Variants in SEPTIN9 observed in about 807,000 individuals in gnomAD.
SEPTIN9 encodes the protein septin-9.
In SEPTIN9, 13 loss-of-function variants were observed where a neutral mutation model predicts 56.6. The ratio of observed to expected loss-of-function variants is 0.23; its 90% CI spans 0.15 to 0.37. The LOEUF (loss-of-function observed/expected upper bound fraction) is 0.37. Among genes scored for constraint, SEPTIN9 ranks in the 10% least tolerant of loss-of-function variants. SEPTIN9 has a pLI of 1.00. For synonymous variants in SEPTIN9, 332 were observed against 334.1 expected, an observed-to-expected ratio of 0.99 and a Z score of 0.07; for missense variants, 650 against 823.1, an observed-to-expected ratio of 0.79 and a Z score of 2.57.
At chr17:77,341,809 G>T (rs1242135466) in intron 2 of SEPTIN9, among the ~76,000 whole-genome samples, 2 of 149,826 alleles carry the variant, frequency 1.3e-5, no homozygotes, top group Non-Finnish European at 3.0e-5. Flanking sequence ...AGGGCCGGGC[G>T]CAGTGGCTCA....
At chr17:77,322,814 G>C (rs1310056361) in intron 2 of SEPTIN9, 1 of 152,334 alleles carries the variant, frequency 6.6e-6, no homozygotes, top group Non-Finnish European at 1.5e-5. Flanking sequence ...GCGTTGTCAG[G>C]CTGCAAGCCA....
chr17:77,374,464 G>T (rs1394046202), intron 2 of SEPTIN9: 2 of 152,280 alleles, frequency 1.3e-5, no homozygotes, highest in South Asian at 2.1e-4. Context: ...TCACACAATG[G>T]TCTCCAGCGC....
chr17:77,444,925 A>C (rs570549358), intron 3 of SEPTIN9: 1 of 364,170 alleles, frequency 2.7e-6, no homozygotes, highest in South Asian at 2.1e-5. Flanking sequence ...GATAGGTCAA[A>C]GGAAGAGGGT....
intron 2 of SEPTIN9, among the ~76,000 whole-genome samples, chr17:77,380,834 G>C (rs376348382): frequency 1.7e-4 from 26 of 152,328 alleles, no homozygotes; most frequent in African/African-American, 6.3e-4. Context: ...ACAGCGGAAG[G>C]GTGGGGTGGG....
chr17:77,499,366 C>A lies in SEPTIN9; in HGVS notation c.*708C>A. 1.7e-6 allele frequency: 1 copy of A among 577,282 alleles called. No homozygotes were observed. Among genetic ancestry groups the A allele is most frequent in the Non-Finnish European group, 3.3e-6 (1 of 299,438 alleles). The allele number at this position is 577,282 out of a possible 1,614,324, so 35.8% of individuals were successfully genotyped here. On this transcript the variant is annotated 3_prime_UTR_variant, in exon 12 of 12. Coordinates refer to ENST00000427177, the MANE Select transcript of SEPTIN9 (RefSeq NM_001113491.2). The stretch of plus-strand genomic sequence containing the variant: ...TGAGGGAGGCGTCTTCATCTCCCTG[C>A]CATCCCCCTCTCACGCCACCCCCGC...
intron 3 of SEPTIN9, among the ~76,000 whole-genome samples, chr17:77,474,467 G>C (rs2039129031): frequency 6.6e-6 from 1 of 152,224 alleles, no homozygotes; most frequent in Admixed American, 6.5e-5. Flanking sequence ...AAGAGCCCTG[G>C]CAACTTTCCC....
chr17:77,292,035 C>G (rs1326220619), intron 1 of SEPTIN9, among the ~76,000 whole-genome samples: 1 of 152,166 alleles, frequency 6.6e-6, no homozygotes, highest in South Asian at 2.1e-4. Flanking sequence ...TCTTTGATTC[C>G]TTTTCACCAC....
At chr17:77,484,647 GGGTGGT>G (rs1158139273) in intron 4 of SEPTIN9, among the ~76,000 whole-genome samples, 1 of 126,832 alleles carries the variant, frequency 7.9e-6, no homozygotes, top group Non-Finnish European at 1.7e-5. Flanking sequence ...ATTGTGATGG[GGGTGGT>G]GGTGGTGATT....
In SEPTIN9 at chr17:77,281,559, G is replaced by A; in HGVS notation, c.19+5G>A. 1 of 1,542,434 alleles carries A rather than the reference G, an allele frequency of 6.5e-7. No homozygotes were observed. The highest frequency in any genetic ancestry group is 8.7e-7 in the Non-Finnish European group (1 of 1,144,118). ...CCATGAAGAAGTCTTACTCAGGTGG[G>A]CTTCGCGCCCGGGGTGGGGAGGGGT... On this transcript the variant is annotated splice_donor_5th_base_variant and intron_variant, in intron 1 of 11. Coordinates refer to ENST00000427177, the MANE Select transcript of SEPTIN9 (RefSeq NM_001113491.2).
intron 8 of SEPTIN9, 111 bp downstream of exon 8, chr17:77,490,970 G>T (rs903551131): frequency 1.9e-5 from 16 of 860,964 alleles, no homozygotes; most frequent in Non-Finnish European, 2.8e-5. Flanking sequence ...AGACCGAACC[G>T]CTGGTCACTC....
At chr17:77,342,228 G>A (rs900670909) in intron 2 of SEPTIN9, among the ~76,000 whole-genome samples, 4 of 152,220 alleles carry the variant, frequency 2.6e-5, no homozygotes, top group Admixed American at 2.6e-4. Flanking sequence ...AATGGTGCCA[G>A]CAGACTTACT....
At chr17:77,344,191 A>C (rs1001103364) in intron 2 of SEPTIN9, among the ~76,000 whole-genome samples, 3 of 152,314 alleles carry the variant, frequency 2.0e-5, no homozygotes, top group Middle Eastern at 6.8e-3. Context: ...AAACAAAAAA[A>C]AACAACCCAG....
Position 77,421,828 on chromosome 17 carries a change from G to A in SEPTIN9, c.721+19125G>A, listed in dbSNP as rs938306600. 2.6e-5 allele frequency among the ~76,000 whole-genome samples: 4 copies of A among 152,102 alleles called. No homozygotes were observed. Among genetic ancestry groups the A allele is most frequent in the Admixed American group, 6.6e-5 (1 of 15,260 alleles). ...ATTTCACAGTCGAGACACCCTGGCC[G>A]AAGGTTCTGCTAAGCTCCATGGAGT... On this transcript the variant is annotated intron_variant, in intron 3 of 11. Coordinates refer to ENST00000427177, the MANE Select transcript of SEPTIN9 (RefSeq NM_001113491.2). This position sits in a 1 kb window ranked among gnomAD's most constrained non-coding sequence, Gnocchi z 4.6.
Position 77,287,973 on chromosome 17 carries a change from C to T in SEPTIN9, c.19+6419C>T, listed in dbSNP as rs1379765957. The T allele has an allele frequency of 1.3e-5, 14 of 1,055,222 alleles. No individual in the cohort carries two copies. The East Asian group carries it at 1.6e-4, about 12-fold the overall frequency. 65.4% of individuals were successfully genotyped at this position (1,055,222 alleles called of 1,614,324 possible). A position where few individuals can be genotyped will look rare whatever the true frequency, so the allele number is the denominator to read the frequency against. Reference sequence around the variant, plus strand: ...GGTCATCCTCAGAGCGGTGTTGGCCCGGGGCCTTCAGTGGCCTTTGTGTCT... The same window carrying T: ...GGTCATCCTCAGAGCGGTGTTGGCCTGGGGCCTTCAGTGGCCTTTGTGTCT... On this transcript the variant is annotated intron_variant, in intron 1 of 11. Coordinates refer to ENST00000427177, the MANE Select transcript of SEPTIN9 (RefSeq NM_001113491.2).
chr17:77,292,571 G>A lies in SEPTIN9; in HGVS notation c.19+11017G>A, dbSNP rs1221365639. On this transcript the variant is annotated intron_variant, in intron 1 of 11. Transcript: ENST00000427177. The stretch of plus-strand genomic sequence containing the variant: ...TGCAGTGGTGAGATCCCAGCTCACT[G>A]CAACCTCCGCCTCCCGGGTTCAACC... Among the ~76,000 whole-genome samples, 4 of 151,640 alleles carry A rather than the reference G, an allele frequency of 2.6e-5. No individual in the cohort carries two copies. In the South Asian group the frequency reaches 6.2e-4, roughly 24 times the overall value.
intron 3 of SEPTIN9, chr17:77,470,763 T>A (rs781150410): frequency 1.3e-5 from 2 of 152,300 alleles, no homozygotes; most frequent in Non-Finnish European, 2.9e-5. Flanking sequence ...AGAAAGCATT[T>A]GAAGTTGCTG....
intron 2 of SEPTIN9, among the ~76,000 whole-genome samples, chr17:77,308,676 C>T (rs2032363977): frequency 6.6e-6 from 1 of 152,324 alleles, no homozygotes; most frequent in South Asian, 2.1e-4. Flanking sequence ...CACCTGAGAC[C>T]TCAGAATTCT....
chr17:77,316,167 G>A (rs1429763078), intron 2 of SEPTIN9, among the ~76,000 whole-genome samples: 1 of 152,206 alleles, frequency 6.6e-6, no homozygotes, highest in Admixed American at 6.5e-5. Flanking sequence ...GGACCGCGGG[G>A]GATCCACCGC....
chr17:77,345,494 G>T (rs1032298343), intron 2 of SEPTIN9, among the ~76,000 whole-genome samples: 3 of 152,190 alleles, frequency 2.0e-5, no homozygotes, highest in Non-Finnish European at 4.4e-5. Context: ...TAACAAAAAG[G>T]TTCTTGCCAG....
Sources: gnomAD v4.1 joint callset for allele counts (sites outside exome capture counted in the v4.1 genomes callset) on GRCh38, gnomAD v4.1.1 for gene constraint, Gnocchi (gnomAD v3.1) non-coding constraint, MANE v1.5 for transcripts, NCBI Gene and HGNC (gene_info 2026-07-23, HGNC 2026-07-21) for gene names.